The following VEPH1 variants were observed in gnomAD, a reference collection of about 807,000 sequenced individuals.
VEPH1 encodes ventricular zone-expressed PH domain-containing protein homolog 1.
In VEPH1, 80 loss-of-function variants were observed where a neutral mutation model predicts 85.2. The ratio of observed to expected loss-of-function variants is 0.94; its 90% confidence interval spans 0.78 to 1.13. The LOEUF is 1.13. Among genes scored for constraint, VEPH1 ranks in the 50% most tolerant of loss-of-function variants. The pLI is 0.00. For synonymous variants in VEPH1, 297 were observed against 348.0 expected, an observed-to-expected ratio of 0.85 and a Z score of 1.63; for missense variants, 955 against 980.5, an observed-to-expected ratio of 0.97 and a Z score of 0.35.
intron 9 of VEPH1, among the ~76,000 whole-genome samples, chr3:157,322,246 T>C (rs763681083): frequency 6.6e-6 from 1 of 152,228 alleles, no homozygotes; most frequent in African/African-American, 2.4e-5. Context: ...TCACTTAGCA[T>C]AATATCTTCA....
At chr3:157,421,582 C>A (rs1213010078) in intron 5 of VEPH1, among the ~76,000 whole-genome samples, 3 of 152,198 alleles carry the variant, frequency 2.0e-5, no homozygotes, top group African/African-American at 7.2e-5. Context: ...TAAACCCTTT[C>A]TCCACATTTC....
intron 2 of VEPH1, among the ~76,000 whole-genome samples, chr3:157,494,794 C>T (rs1560111583): frequency 6.6e-6 from 1 of 152,122 alleles, no homozygotes; most frequent in Non-Finnish European, 1.5e-5. Context: ...AGGTGTCATC[C>T]TGCCTTCTTT....
intron 7 of VEPH1, among the ~76,000 whole-genome samples, chr3:157,365,846 T>C (rs1321790105): frequency 6.6e-6 from 1 of 152,190 alleles, no homozygotes; most frequent in Non-Finnish European, 1.5e-5. Flanking sequence ...TTCACCAATC[T>C]GGAAGTTCTT....
intron 4 of VEPH1, chr3:157,437,369 C>T: frequency 1.0e-6 from 1 of 1,002,094 alleles, no homozygotes; most frequent in Non-Finnish European, 1.5e-6. Context: ...CATTTACATG[C>T]TGTTTTTCGG....
chr3:157,421,578 C>T (rs901140049), intron 5 of VEPH1, among the ~76,000 whole-genome samples: 8 of 152,212 alleles, frequency 5.3e-5, no homozygotes, highest in Non-Finnish European at 1.2e-4. Context: ...TCAGTAAACC[C>T]TTTCTCCACA....
rs1035663090 is a variant in VEPH1, at chr3:157,363,682, T to C, written c.1417A>G (p.Ile473Val). ...DDGEDENRGD[I>V]PASISLSEID... ...TCTGAAAGAGAGATGCTGGCTGGTA[T>C]GTCTCCCCTGTTTTCATCTTCGCCG... is the stretch of plus-strand genomic sequence containing the variant. Residue 473 changes from isoleucine (I) to valine (V), a missense_variant, in exon 9 of 14, where the codon ATA becomes GTA. Ile to Val is a conservative substitution (Grantham distance 29). Transcript: ENST00000362010. 9 of 1,614,032 alleles carry C rather than the reference T, an allele frequency of 5.6e-6. No individual in the cohort carries two copies. The African/African-American group carries it at 1.1e-4, about 19-fold the overall frequency.
At chr3:157,406,543 G>A (rs867958211) in intron 6 of VEPH1, among the ~76,000 whole-genome samples, 6 of 152,226 alleles carry the variant, frequency 3.9e-5, no homozygotes, top group Middle Eastern at 3.4e-3. Flanking sequence ...ATGACTCTGA[G>A]CCCAGAGAGG....
At position 157,264,773 on chromosome 3, in the gene VEPH1, CAT is replaced by C. The variant is rs570178634; in HGVS notation, c.2265+751_2265+752del. 6.8e-3 allele frequency among the ~76,000 whole-genome samples: 1,042 copies of C among 152,178 alleles called. 9 individuals are homozygous for C. The highest frequency in any genetic ancestry group is 7.2e-3 in the Non-Finnish European group (487 of 68,010). ...TAGTAGGCACTGAAAAAATGCTAGT[CAT>C]TATGATTATTTTCTAAAATAGCCAA... On this transcript the variant is annotated intron_variant, in intron 13 of 13. Transcript: ENST00000362010.
chr3:157,470,097 T>G (rs1182446532), intron 3 of VEPH1, among the ~76,000 whole-genome samples: 1 of 152,204 alleles, frequency 6.6e-6, no homozygotes, highest in African/African-American at 2.4e-5. Flanking sequence ...GCAGTGGTAT[T>G]ACTTGAATTC....
chr3:157,406,024 T>G (rs1255972165), intron 6 of VEPH1, among the ~76,000 whole-genome samples: 1 of 152,216 alleles, frequency 6.6e-6, no homozygotes, highest in Non-Finnish European at 1.5e-5. Context: ...GCCTTTGTTT[T>G]CCTTATACTT....
At chr3:157,455,084 T>G (rs1040437354) in intron 4 of VEPH1, among the ~76,000 whole-genome samples, 2 of 152,174 alleles carry the variant, frequency 1.3e-5, no homozygotes, top group Admixed American at 1.3e-4. Context: ...GTAGAAGGAT[T>G]TATTTTCCTT....
chr3:157,318,382 C>T (rs919224189), intron 9 of VEPH1, among the ~76,000 whole-genome samples: 34 of 151,934 alleles, frequency 2.2e-4, no homozygotes, highest in African/African-American at 6.0e-4. Flanking sequence ...CCAAGGTGGG[C>T]GGATTGCCTC....
chr3:157,341,025 C>T (rs1723494855), intron 9 of VEPH1, among the ~76,000 whole-genome samples: 1 of 152,154 alleles, frequency 6.6e-6, no homozygotes, highest in Non-Finnish European at 1.5e-5. Flanking sequence ...CCCGTCTGTA[C>T]ATCACCATCA....
At chr3:157,451,206 T>G (rs1247384266) in intron 4 of VEPH1, among the ~76,000 whole-genome samples, 1 of 152,216 alleles carries the variant, frequency 6.6e-6, no homozygotes, top group Non-Finnish European at 1.5e-5. Flanking sequence ...AAAACTAAAT[T>G]GGTATGTTTT....
intron 9 of VEPH1, among the ~76,000 whole-genome samples, chr3:157,331,859 C>A (rs1722540293): frequency 1.3e-5 from 2 of 152,196 alleles, no homozygotes; most frequent in Admixed American, 1.3e-4. Flanking sequence ...TATCACAGGA[C>A]AAGGTCAGCT....
intron 7 of VEPH1, among the ~76,000 whole-genome samples, chr3:157,365,473 G>C (rs1726558000): frequency 2.6e-5 from 4 of 151,866 alleles, no homozygotes; most frequent in Admixed American, 2.0e-4. Context: ...CAACCCTCTA[G>C]ACACCAACTG....
intron 2 of VEPH1, 138 bp from the exon 3 acceptor site, chr3:157,470,667 A>C: frequency 1.5e-6 from 1 of 679,242 alleles, no homozygotes; most frequent in Non-Finnish European, 2.3e-6. Flanking sequence ...GCCTAATACA[A>C]TAAAGGCTTC....
intron 6 of VEPH1, among the ~76,000 whole-genome samples, chr3:157,388,255 G>A (rs1246888299): frequency 6.6e-6 from 1 of 152,122 alleles, no homozygotes; most frequent in Non-Finnish European, 1.5e-5. Flanking sequence ...GCCTGAGTGT[G>A]GCCAGTGATG....
chr3:157,360,701 C>G (rs932891830), intron 9 of VEPH1, among the ~76,000 whole-genome samples: 1 of 152,062 alleles, frequency 6.6e-6, no homozygotes, highest in Non-Finnish European at 1.5e-5. Context: ...CAATCTAACA[C>G]AAAGCCTATA....
Sources: gnomAD v4.1 joint callset for allele counts (sites outside exome capture counted in the v4.1 genomes callset) on GRCh38, gnomAD v4.1.1 for gene constraint, MANE v1.5 for transcripts, NCBI Gene and HGNC (gene_info 2026-07-23, HGNC 2026-07-21) for gene names.